The following LDLRAD3 variants were observed in gnomAD, a reference collection of about 807,000 sequenced individuals.
LDLRAD3 encodes low-density lipoprotein receptor class A domain-containing protein 3.
Under a neutral mutation model 29.4 loss-of-function variants are expected in LDLRAD3, and 20 were observed. The observed-to-expected ratio is 0.68, with a 90% CI of 0.48 to 0.99. The LOEUF is 0.99. Among genes scored for constraint, LDLRAD3 ranks in the 50% least tolerant of loss-of-function variants. The pLI, the probability that LDLRAD3 is intolerant of heterozygous loss-of-function variation, is 0.00. For synonymous variants in LDLRAD3, 157 were observed against 192.7 expected, an observed-to-expected ratio of 0.81 and a Z score of 1.53; for missense variants, 420 against 454.3, an observed-to-expected ratio of 0.92 and a Z score of 0.69.
Position 36,025,638 on chromosome 11 carries a change from C to G in LDLRAD3, c.47-10465C>G, listed in dbSNP as rs900891857. Among the ~76,000 whole-genome samples, 11 of 151,978 alleles carry G rather than the reference C, an allele frequency of 7.2e-5. 1 individual carries two copies. Among genetic ancestry groups the G allele is most frequent in the Admixed American group, 3.3e-4 (5 of 15,256 alleles). The stretch of plus-strand genomic sequence containing the variant: ...TCTCCTGACCTTGTGATCTGCCCGC[C>G]TCGGCCTCCCAAAGTGCTGGGATTA... On this transcript the variant is annotated intron_variant, in intron 1 of 5. Transcript: ENST00000315571.
chr11:36,006,961 C>G (rs889830113), intron 1 of LDLRAD3, among the ~76,000 whole-genome samples: 2 of 152,182 alleles, frequency 1.3e-5, no homozygotes, highest in Non-Finnish European at 2.9e-5. Context: ...GCTCAAGGTT[C>G]AGCCCTACTG....
chr11:36,062,493 G>A lies in LDLRAD3; in HGVS notation c.194-19160G>A, dbSNP rs972729025. ...CCTTTAATTAGGTGCTGCAGCTTAG[G>A]AGATGGGAGCTCAGTCAGTCTCAAA... is the stretch of plus-strand genomic sequence containing the variant. On this transcript the variant is annotated intron_variant, in intron 2 of 5. Transcript: ENST00000315571. Among the ~76,000 whole-genome samples, 33 of 152,192 alleles carry A rather than the reference G, an allele frequency of 2.2e-4. 1 individual carries two copies. The highest frequency in any genetic ancestry group is 8.8e-5 in the Non-Finnish European group (6 of 68,044).
At chr11:36,093,356 G>A (rs7930176) in intron 3 of LDLRAD3, among the ~76,000 whole-genome samples, 4 of 152,100 alleles carry the variant, frequency 2.6e-5, no homozygotes, top group South Asian at 2.1e-4. Flanking sequence ...TCAGCCATAC[G>A]TCTTTGGGAT....
chr11:36,086,245 T>C (rs1853194245), intron 3 of LDLRAD3, among the ~76,000 whole-genome samples: 7 of 152,226 alleles, frequency 4.6e-5, no homozygotes, highest in Admixed American at 4.6e-4. Context: ...CTGTGTCATC[T>C]TGGCATTTGT....
In LDLRAD3 at chr11:35,948,437, CGTGTGTGT is replaced by C. The variant is rs140009978; in HGVS notation, c.46+4319_46+4326del. Among the ~76,000 whole-genome samples the C allele has an allele frequency of 7.6e-3, 1,125 of 147,290 alleles. 10 individuals are homozygous for C. The highest frequency in any genetic ancestry group is 0.017 in the African/African-American group (666 of 40,206). On this transcript the variant is annotated intron_variant, in intron 1 of 5. Transcript: ENST00000315571. The stretch of plus-strand genomic sequence containing the variant: ...CAGGGAGATTTTTAAGTTGGCTGAT[CGTGTGTGT>C]GTGTGTGTGTGTGTGTGTGTGTGTG...
intron 4 of LDLRAD3, among the ~76,000 whole-genome samples, chr11:36,133,172 A>G (rs78756075): frequency 0.17 from 25,950 of 151,076 alleles, 2,343 homozygotes; most frequent in Middle Eastern, 0.26. Context: ...CTTATGGCCT[A>G]AGAAGGCCAA....
chr11:36,189,524 A>G (rs115462085), intron 4 of LDLRAD3, among the ~76,000 whole-genome samples: 2,092 of 147,306 alleles, frequency 0.014, 49 homozygotes, highest in African/African-American at 0.049. Flanking sequence ...TCCTTTAGCT[A>G]TCACCCCCTG....
intron 4 of LDLRAD3, among the ~76,000 whole-genome samples, chr11:36,129,412 C>G (rs1012127978): frequency 6.6e-6 from 1 of 152,100 alleles, no homozygotes; most frequent in African/African-American, 2.4e-5. Context: ...TCTCCAATAG[C>G]CTGTGCCAAC....
intron 2 of LDLRAD3, among the ~76,000 whole-genome samples, chr11:36,078,694 CT>C (rs1332891246): frequency 1.3e-5 from 2 of 152,184 alleles, no homozygotes; most frequent in Non-Finnish European, 2.9e-5. Flanking sequence ...CTGCTCCATG[CT>C]TCTGCTGACA....
intron 4 of LDLRAD3, among the ~76,000 whole-genome samples, chr11:36,125,326 A>C (rs922818187): frequency 6.6e-6 from 1 of 152,156 alleles, no homozygotes; most frequent in East Asian, 1.9e-4. Flanking sequence ...ATTGTCGACT[A>C]TGTGACTTTT....
In LDLRAD3 at chr11:36,213,481, A is replaced by G. The variant is rs984775710; in HGVS notation, c.455-13604A>G. ...GGATCCGCAAAGGCGCTCCAGCCCC[A>G]TGGGATGCTTTTTTTAGACAGGAAA... On this transcript the variant is annotated intron_variant, in intron 4 of 5. Transcript: ENST00000315571. This position sits in a 1 kb window ranked among gnomAD's most constrained non-coding sequence, Gnocchi z 4.1. Among the ~76,000 whole-genome samples the G allele has an allele frequency of 6.6e-6, 1 of 152,220 alleles. No individual in the cohort carries two copies. Among genetic ancestry groups the G allele is most frequent in the African/African-American group, 2.4e-5 (1 of 41,470 alleles).
At chr11:36,050,668 G>A (rs913301866) in intron 2 of LDLRAD3, among the ~76,000 whole-genome samples, 1 of 152,200 alleles carries the variant, frequency 6.6e-6, no homozygotes, top group African/African-American at 2.4e-5. Flanking sequence ...GTCACTACTG[G>A]CACTCAGAGC....
intron 2 of LDLRAD3, among the ~76,000 whole-genome samples, chr11:36,043,769 C>CT (rs756929896): frequency 2.6e-5 from 4 of 152,164 alleles, no homozygotes; most frequent in African/African-American, 4.8e-5. Context: ...TGGCAAGCCA[C>CT]TGCTAGCCAA....
At position 36,232,026 on chromosome 11, in the gene LDLRAD3, A is replaced by C. The variant is rs1236625852; in HGVS notation, c.*2629A>C. The C allele has an allele frequency of 6.6e-6, 1 of 152,236 alleles. No homozygotes were observed. Among genetic ancestry groups the C allele is most frequent in the Non-Finnish European group, 1.5e-5 (1 of 68,042 alleles). The allele number at this position is 152,236 out of a possible 1,614,324, so 9.4% of individuals were successfully genotyped here. On this transcript the variant is annotated 3_prime_UTR_variant, in exon 6 of 6. Transcript: ENST00000315571. ...AAGTGGTTAATAGTGTGTGACGCTC[A>C]AAGTTAATGTAAACTGGAAAGGTTG...
intron 2 of LDLRAD3, among the ~76,000 whole-genome samples, chr11:36,036,918 T>TCTCGTAGA (rs2133210813): frequency 6.6e-6 from 1 of 152,148 alleles, no homozygotes; most frequent in South Asian, 2.1e-4. Flanking sequence ...TGCATGAGAT[T>TCTCGTAGA]TGGGTTGATG....
chr11:36,222,521 C>T (rs61881476), intron 4 of LDLRAD3, among the ~76,000 whole-genome samples: 10,211 of 152,236 alleles, frequency 0.067, 450 homozygotes, highest in East Asian at 0.2. Context: ...TTGCCTGAGA[C>T]CTGGCCAGCA....
intron 4 of LDLRAD3, among the ~76,000 whole-genome samples, chr11:36,164,647 C>T (rs1424344129): frequency 6.6e-6 from 1 of 152,238 alleles, no homozygotes; most frequent in Non-Finnish European, 1.5e-5. Flanking sequence ...TGAGCTTTAG[C>T]AAATGGAGTG....
chr11:36,147,218 T>C (rs547811546), intron 4 of LDLRAD3, among the ~76,000 whole-genome samples: 2 of 144,190 alleles, frequency 1.4e-5, no homozygotes, highest in East Asian at 2.3e-4. Context: ...CCCTGGTTCA[T>C]GCCATTCTCC....
intron 4 of LDLRAD3, among the ~76,000 whole-genome samples, chr11:36,194,856 G>A (rs752705645): frequency 2.6e-5 from 4 of 152,040 alleles, no homozygotes; most frequent in Non-Finnish European, 2.9e-5. Flanking sequence ...ACAACAATAC[G>A]GTGATACTAA....
Sources: allele counts gnomAD v4.1 joint callset (sites outside exome capture counted in the v4.1 genomes callset), GRCh38; gene constraint gnomAD v4.1.1; non-coding constraint Gnocchi (gnomAD v3.1); transcripts MANE v1.5; gene names NCBI Gene and HGNC (gene_info 2026-07-23, HGNC 2026-07-21).